The following FAM120B variants were observed in gnomAD, a reference collection of about 807,000 sequenced individuals.
The protein encoded by FAM120B is family with sequence similarity 120 member B, also known as constitutive coactivator of peroxisome proliferator-activated receptor gamma.
Under a neutral mutation model 96.3 loss-of-function variants are expected in FAM120B, and 83 were observed. The observed-to-expected ratio is 0.86, with a 90% confidence interval of 0.72 to 1.03. FAM120B has a LOEUF of 1.03. Among genes scored for constraint, FAM120B ranks in the 50% least tolerant of loss-of-function variants. The probability of loss-of-function intolerance (pLI) is 0.00; values close to 1 mark genes in which losing one functional copy is unlikely to be tolerated. For synonymous variants in FAM120B, 407 were observed against 402.7 expected, an observed-to-expected ratio of 1.01 and a Z score of -0.13; for missense variants, 1,027 against 1,121.2, an observed-to-expected ratio of 0.92 and a Z score of 1.20.
intron 6 of FAM120B, among the ~76,000 whole-genome samples, chr6:170,364,213 C>T (rs893471184): frequency 5.9e-5 from 9 of 152,180 alleles, no homozygotes; most frequent in African/African-American, 2.2e-4. Context: ...CCTGAGTCTC[C>T]TCCACCTTCT....
chr6:170,389,118 C>T (rs750448635), intron 7 of FAM120B, among the ~76,000 whole-genome samples: 21 of 152,012 alleles, frequency 1.4e-4, no homozygotes, highest in Non-Finnish European at 2.4e-4. Context: ...GAAGAAGATT[C>T]GAGTGTAAGT....
chr6:170,400,593 G>A (rs563943507), intron 9 of FAM120B, among the ~76,000 whole-genome samples: 17 of 152,270 alleles, frequency 1.1e-4, no homozygotes, highest in South Asian at 1.0e-3. Flanking sequence ...TGGCCTGACC[G>A]GCTGCAGGGA....
intron 3 of FAM120B, among the ~76,000 whole-genome samples, chr6:170,325,382 G>A (rs1437810621): frequency 6.6e-6 from 1 of 152,070 alleles, no homozygotes; most frequent in Admixed American, 6.6e-5. Flanking sequence ...CAGACTGAAC[G>A]TAACTCTTGG....
At chr6:170,367,534 T>TGTCA (rs1788878010) in intron 6 of FAM120B, among the ~76,000 whole-genome samples, 2 of 152,274 alleles carry the variant, frequency 1.3e-5, no homozygotes, top group African/African-American at 4.8e-5. Context: ...CATCTGGCTC[T>TGTCA]TTCCAGAAGA....
chr6:170,353,951 C>T (rs1787736213), intron 5 of FAM120B, among the ~76,000 whole-genome samples: 1 of 152,180 alleles, frequency 6.6e-6, no homozygotes, highest in African/African-American at 2.4e-5. Context: ...CAAAAAAGAG[C>T]CTGAATAGCC....
intron 1 of FAM120B, among the ~76,000 whole-genome samples, chr6:170,315,925 GGA>G (rs1784869970): frequency 3.4e-5 from 5 of 145,732 alleles, no homozygotes; most frequent in Non-Finnish European, 7.6e-5. Context: ...TGTCTCCACT[GGA>G]AAAAAAAAAA....
upstream of FAM120B, among the ~76,000 whole-genome samples, chr6:170,305,776 C>T (rs1784259162): frequency 6.6e-6 from 1 of 152,196 alleles, no homozygotes; most frequent in African/African-American, 2.4e-5. Flanking sequence ...GAGAAAAAGG[C>T]GGAACTGCAG....
Position 170,388,287 on chromosome 6 carries a change from C to A in FAM120B, c.2284C>A (p.Pro762Thr). The change falls in exon 7 of 11, where the codon CCT becomes ACT. Residue 762 changes from proline to threonine, a missense_variant and splice_region_variant. By Grantham distance (38) the Pro-to-Thr change is conservative. Transcript: ENST00000476287. The stretch of plus-strand genomic sequence containing the variant: ...TTGGTGTGTGTTCTGGTCTCCACAG[C>A]CTGATTACATCAACCCCAGAGCCGT... ...KSTSQLVNLQPDYINPRAVQL... is the reference protein window; with the variant it reads ...KSTSQLVNLQTDYINPRAVQL... The A allele has an allele frequency of 6.2e-7, 1 of 1,613,328 alleles. No homozygotes were observed. The highest frequency in any genetic ancestry group is 1.1e-5 in the South Asian group (1 of 91,016).
At chr6:170,346,622 G>A (rs946416266) in intron 4 of FAM120B, among the ~76,000 whole-genome samples, 7 of 152,160 alleles carry the variant, frequency 4.6e-5, no homozygotes, top group African/African-American at 1.4e-4. Context: ...CGATACCCAC[G>A]TGTGTATACA....
At chr6:170,390,547 C>A (rs1444657566) in intron 7 of FAM120B, among the ~76,000 whole-genome samples, 1 of 150,738 alleles carries the variant, frequency 6.6e-6, no homozygotes, top group African/African-American at 2.4e-5. Context: ...GTTGAATGTT[C>A]CATGTTCCAT....
At chr6:170,377,747 G>A (rs1299256624) in intron 6 of FAM120B, among the ~76,000 whole-genome samples, 3 of 130,566 alleles carry the variant, frequency 2.3e-5, no homozygotes, top group East Asian at 2.6e-4. Flanking sequence ...GGAGAACACA[G>A]GCTCACGCTG....
Position 170,404,813 on chromosome 6 carries a change from C to CGCCCTCCTCTGCTGTTGCA in FAM120B, c.*65_*83dup. On this transcript the variant is annotated 3_prime_UTR_variant, in exon 11 of 11. Coordinates refer to ENST00000476287, the MANE Select transcript of FAM120B (RefSeq NM_032448.3). ...ACACCTGGACGCAGAGCCCTGCCAG[C>CGCCCTCCTCTGCTGTTGCA]GCCCTCCTCTGCTGTTGCAGCTGCA... The CGCCCTCCTCTGCTGTTGCA allele has an allele frequency of 3.6e-6, 2 of 548,440 alleles. No individual in the cohort carries two copies. Among genetic ancestry groups the CGCCCTCCTCTGCTGTTGCA allele is most frequent in the African/African-American group, 3.8e-5 (2 of 52,158 alleles). 34.0% of individuals were successfully genotyped at this position (548,440 alleles called of 1,614,324 possible). A position where few individuals can be genotyped will look rare whatever the true frequency, so the allele number is the denominator to read the frequency against.
At chr6:170,350,624 AGTACCTCTAG>A (rs1171452249) in intron 5 of FAM120B, among the ~76,000 whole-genome samples, 1 of 152,210 alleles carries the variant, frequency 6.6e-6, no homozygotes, top group East Asian at 1.9e-4. Flanking sequence ...ATTCACTGGT[AGTACCTCTAG>A]GTATGGGAGA....
intron 1 of FAM120B, among the ~76,000 whole-genome samples, chr6:170,301,665 C>T (rs1784145057): frequency 6.6e-6 from 1 of 152,190 alleles, no homozygotes; most frequent in Non-Finnish European, 1.5e-5. Flanking sequence ...TACCCTAAAT[C>T]ATCTCTCTCA....
intron 2 of FAM120B, among the ~76,000 whole-genome samples, chr6:170,321,664 C>T (rs1207628041): frequency 3.3e-5 from 5 of 152,324 alleles, no homozygotes; most frequent in East Asian, 1.9e-4. Flanking sequence ...CATGAGCCAC[C>T]GTTCCTGGCC....
chr6:170,326,829 C>T (rs1441773250), intron 3 of FAM120B, among the ~76,000 whole-genome samples: 2 of 152,118 alleles, frequency 1.3e-5, no homozygotes, highest in Non-Finnish European at 2.9e-5. Flanking sequence ...GCCTTCAACT[C>T]CAAGGCTGAA....
At chr6:170,316,292 C>T (rs954643586) in intron 1 of FAM120B, among the ~76,000 whole-genome samples, 12 of 152,170 alleles carry the variant, frequency 7.9e-5, no homozygotes, top group Non-Finnish European at 1.8e-4. Flanking sequence ...CACCTCATGA[C>T]TGCTGCCTTC....
rs1192044761 is a variant in FAM120B, at chr6:170,370,965, G to C, written c.2283+12647G>C. Among the ~76,000 whole-genome samples, 5 of 152,070 alleles carry C rather than the reference G, an allele frequency of 3.3e-5. No individual in the cohort carries two copies. Among genetic ancestry groups the C allele is most frequent in the Admixed American group, 6.5e-5 (1 of 15,272 alleles). On this transcript the variant is annotated intron_variant, in intron 6 of 10. Coordinates refer to ENST00000476287, the MANE Select transcript of FAM120B (RefSeq NM_032448.3). The surrounding 1 kb of genome is among the most constrained non-coding windows in gnomAD (Gnocchi z 4.3). ...AATGGTGTATATATATCTCAATACG[G>C]ATGGATGGATAGACAGACATTATTT...
Position 170,319,051 on chromosome 6 carries a change from A to C in FAM120B, c.1661A>C (p.Gln554Pro). ...ATGTGTACAAACCCTGAAATTAAAC[A>C]AGAAGACCCCACAAATGTGGGGCCT... ...ALMCTNPEIKQEDPTNVGPEV... is the reference protein window; with the variant it reads ...ALMCTNPEIKPEDPTNVGPEV... The change falls in exon 2 of 11, where the codon CAA becomes CCA. Residue 554 changes from glutamine (Q) to proline (P), a missense_variant. Physicochemically the swap from Gln to Pro is moderately conservative, Grantham distance 76. Around this residue, in one of 3 missense-constraint regions of FAM120B, gnomAD observed 880 missense variants for 980.9 expected, o/e 0.90. Transcript: ENST00000476287. 1.9e-6 allele frequency: 3 copies of C among 1,604,790 alleles called. No homozygotes were observed. The highest frequency in any genetic ancestry group is 1.7e-6 in the Non-Finnish European group (2 of 1,175,632).
Sources: gnomAD v4.1 joint callset for allele counts (sites outside exome capture counted in the v4.1 genomes callset) on GRCh38, gnomAD v4.1.1 for gene constraint, gnomAD v4.1.1 regional missense constraint, Gnocchi (gnomAD v3.1) non-coding constraint, MANE v1.5 for transcripts, NCBI Gene and HGNC (gene_info 2026-07-23, HGNC 2026-07-21) for gene names.